OXGR1: variants seen among roughly 807,000 people sequenced by gnomAD.
OXGR1 encodes the protein oxoglutarate receptor 1.
A neutral mutation model predicts 10.0 loss-of-function variants in OXGR1; 10 were observed. The observed-to-expected ratio is 1.00, with a 90% CI of 0.62 to 1.70. OXGR1 has a LOEUF of 1.70. Among genes scored for constraint, OXGR1 ranks in the 40% most tolerant of loss-of-function variants. OXGR1 has a pLI of 0.00. For synonymous variants in OXGR1, 191 were observed against 155.9 expected, an observed-to-expected ratio of 1.22 and a Z score of -1.68; for missense variants, 398 against 407.6, an observed-to-expected ratio of 0.98 and a Z score of 0.20.
At chr13:96,992,855 T>C (rs1882126173) in intron 1 of OXGR1, among the ~76,000 whole-genome samples, 1 of 152,162 alleles carries the variant, frequency 6.6e-6, no homozygotes, top group Admixed American at 6.5e-5. Context: ...CAGTTGGTTC[T>C]TTCCTCCTTT....
intron 2 of OXGR1, among the ~76,000 whole-genome samples, chr13:96,991,205 G>T (rs550246726): frequency 2.1e-4 from 32 of 152,252 alleles, no homozygotes; most frequent in African/African-American, 7.5e-4. Context: ...CTTAATCTGT[G>T]TTCCATAAAA....
intron 1 of OXGR1, among the ~76,000 whole-genome samples, chr13:96,993,990 A>C (rs2138910894): frequency 6.6e-6 from 1 of 152,180 alleles, no homozygotes; most frequent in Admixed American, 6.5e-5. Flanking sequence ...GGTGTGAAAA[A>C]AAGTGTGAGA....
Position 96,987,336 on chromosome 13 carries a change from A to G in OXGR1, c.424T>C (p.Phe142Leu). ...GCACATCGAGTTTTGTGAATGGAAAAGCAGCTCATTGGGTGAATGATCACA... is the reference window on the plus strand; with the variant it reads ...GCACATCGAGTTTTGTGAATGGAAAGGCAGCTCATTGGGTGAATGATCACA... The part of the protein sequence containing the change: ...YCVIIHPMSC[F>L]SIHKTRCAVV... Residue 142 changes from phenylalanine to leucine, a missense_variant, in exon 4 of 4, where the codon TTT becomes CTT. Physicochemically the swap from Phe to Leu is conservative, Grantham distance 22. Coordinates refer to ENST00000541038, the MANE Select transcript of OXGR1 (RefSeq NM_001346194.2). The G allele has an allele frequency of 6.2e-7, 1 of 1,614,268 alleles. No homozygotes were observed. The highest frequency in any genetic ancestry group is 8.5e-7 in the Non-Finnish European group (1 of 1,180,048).
upstream of OXGR1, chr13:96,994,725 C>G (rs982795657): frequency 4.6e-5 from 7 of 151,520 alleles, no homozygotes; most frequent in Admixed American, 1.3e-4. Flanking sequence ...GAAGGAGTCT[C>G]GCTCTGTCGC....
At chr13:96,992,883 A>G (rs1882127620) in intron 1 of OXGR1, among the ~76,000 whole-genome samples, 1 of 152,140 alleles carries the variant, frequency 6.6e-6, no homozygotes, top group Admixed American at 6.5e-5. Context: ...ATGCCAATGG[A>G]CGAGGGAGGT....
At position 96,986,283 on chromosome 13, in the gene OXGR1, A is replaced by T. The variant is rs1053076139; in HGVS notation, c.*463T>A. ...GAGCTCTGAGATGTAAAAAATAAAT[A>T]TTAAGAAAGATACAAGTAGTGGTTT... On this transcript the variant is annotated 3_prime_UTR_variant, in exon 4 of 4. Transcript: ENST00000541038. The T allele has an allele frequency of 6.5e-6, 1 of 154,892 alleles. No individual in the cohort carries two copies. The highest frequency in any genetic ancestry group is 1.4e-5 in the Non-Finnish European group (1 of 70,022). The allele number at this position is 154,892 out of a possible 1,614,324, so 9.6% of individuals were successfully genotyped here.
Position 96,986,963 on chromosome 13 carries a change from T to A in OXGR1, c.797A>T (p.Glu266Val). ...ACAACTGATTGAAAGCAGGCGAGAT[T>A]CGATCCGAATGACCCTCAAGATATG... Reference protein sequence around the residue: ...PFHILRVIRIESRLLSISCSI... With the variant: ...PFHILRVIRIVSRLLSISCSI... Residue 266 changes from glutamate to valine, a missense_variant, in exon 4 of 4, where the codon GAA becomes GTA. By Grantham distance (121) the Glu-to-Val change is moderately radical. Coordinates refer to ENST00000541038, the MANE Select transcript of OXGR1 (RefSeq NM_001346194.2). 6.2e-7 allele frequency: 1 copy of A among 1,614,194 alleles called. No individual in the cohort carries two copies. The highest frequency in any genetic ancestry group is 2.2e-5 in the East Asian group (1 of 44,884).
chr13:96,993,827 CAG>C (rs1882181637), intron 1 of OXGR1, among the ~76,000 whole-genome samples: 1 of 151,804 alleles, frequency 6.6e-6, no homozygotes, highest in Non-Finnish European at 1.5e-5. Flanking sequence ...GGGGGTGGGG[CAG>C]AGTCTTTGGT....
Position 96,986,999 on chromosome 13 carries a change from A to T in OXGR1, c.761T>A (p.Phe254Tyr). The change falls in exon 4 of 4, where the codon TTT becomes TAT. Residue 254 changes from phenylalanine to tyrosine, a missense_variant. Physicochemically the swap from Phe to Tyr is conservative, Grantham distance 22. Coordinates refer to ENST00000541038, the MANE Select transcript of OXGR1 (RefSeq NM_001346194.2). ...GACCCTCAAGATATGGAAGGGTAAA[A>T]AACATACGTAAAATGCAAGGAGTAG... ...ILLLLAFYVCFLPFHILRVIR... is the reference protein window; with the variant it reads ...ILLLLAFYVCYLPFHILRVIR... 2 of 1,614,232 alleles carry T rather than the reference A, an allele frequency of 1.2e-6. No homozygotes were observed. The highest frequency in any genetic ancestry group is 1.6e-4 in the Middle Eastern group (1 of 6,062).
chr13:96,988,139 C>T (rs1314805171), intron 3 of OXGR1, among the ~76,000 whole-genome samples: 1 of 152,176 alleles, frequency 6.6e-6, no homozygotes, highest in Non-Finnish European at 1.5e-5. Flanking sequence ...TAGGGTATCG[C>T]CATTAGAGAC....
At chr13:96,993,445 C>A (rs1882161010) in intron 1 of OXGR1, among the ~76,000 whole-genome samples, 1 of 152,116 alleles carries the variant, frequency 6.6e-6, no homozygotes, top group South Asian at 2.1e-4. Flanking sequence ...TGGTCTCGAA[C>A]TACTGACCTC....
rs538072405 is a variant in OXGR1 at position 96,989,761 on chromosome 13, T to C, written c.-78A>G. 6.6e-5 allele frequency: 10 copies of C among 152,304 alleles called. No individual in the cohort carries two copies. Among genetic ancestry groups the C allele is most frequent in the African/African-American group, 2.4e-4 (10 of 41,572 alleles). 9.4% of individuals were successfully genotyped at this position (152,304 alleles called of 1,614,324 possible). ...CAAAGACCAGTTAGCACATTACCTC[T>C]CAGTGCTGTCTCTTCATGTGTATTT... is the stretch of plus-strand genomic sequence containing the variant. On this transcript the variant is annotated 5_prime_UTR_variant, in exon 3 of 4. An upstream open reading frame in the 5' UTR loses its in-frame stop. Coordinates refer to ENST00000541038, the MANE Select transcript of OXGR1 (RefSeq NM_001346194.2).
intron 3 of OXGR1, among the ~76,000 whole-genome samples, chr13:96,988,645 G>T (rs1881906550): frequency 6.6e-6 from 1 of 152,156 alleles, no homozygotes; most frequent in Non-Finnish European, 1.5e-5. Flanking sequence ...CCATTAGGAG[G>T]CTGAGCCCTG....
rs961278535 is a variant in OXGR1, at chr13:96,992,406, T to C, written c.-127+16A>G. On this transcript the variant is annotated intron_variant, in intron 2 of 3. Coordinates refer to ENST00000541038, the MANE Select transcript of OXGR1 (RefSeq NM_001346194.2). Reference sequence around the variant, plus strand: ...CAAAAATTAAGAAATAAAAAAATTGTTAAGAAAAAGCTTACAATTTTAGCC... The same window carrying C: ...CAAAAATTAAGAAATAAAAAAATTGCTAAGAAAAAGCTTACAATTTTAGCC... The C allele has an allele frequency of 6.6e-6, 1 of 152,200 alleles. No individual in the cohort carries two copies. The highest frequency in any genetic ancestry group is 2.4e-5 in the African/African-American group (1 of 41,458). The allele number at this position is 152,200 out of a possible 1,614,324, so 9.4% of individuals were successfully genotyped here.
In OXGR1 at chr13:96,987,193, C is replaced by T. The variant is rs538548290; in HGVS notation, c.567G>A (p.Ser189=). Residue 189 remains serine (S), a synonymous_variant, in exon 4 of 4, where the codon TCG becomes TCA. Transcript: ENST00000541038. The part of the protein sequence containing the change: ...NRSACLDLTS[S]DELNTIKWYN... Reference sequence around the variant, plus strand: ...ACCACTTAATAGTATTGAGTTCATCCGAACTGGTGAGGTCGAGACAGGCTG... The same window carrying T: ...ACCACTTAATAGTATTGAGTTCATCTGAACTGGTGAGGTCGAGACAGGCTG... 1.9e-5 allele frequency: 31 copies of T among 1,614,068 alleles called. 1 individual carries two copies. The highest frequency in any genetic ancestry group is 1.0e-4 in the Admixed American group (6 of 60,016).
chr13:96,994,183 G>A (rs1452437185), intron 1 of OXGR1, 115 bp downstream of exon 1: 1 of 152,374 alleles, frequency 6.6e-6, no homozygotes, highest in Non-Finnish European at 1.5e-5. Context: ...ACGTGCGGGG[G>A]TGCTCTTTCC....
rs1472834802 is a variant in OXGR1 at position 96,987,347 on chromosome 13, G to T, written c.413C>A (p.Pro138Gln). The T allele has an allele frequency of 6.2e-7, 1 of 1,614,170 alleles. No individual in the cohort carries two copies. The highest frequency in any genetic ancestry group is 8.5e-7 in the Non-Finnish European group (1 of 1,180,028). Residue 138 changes from proline to glutamine, a missense_variant, in exon 4 of 4, where the codon CCA (proline) becomes CAA (glutamine). Transcript: ENST00000541038. ...TTTGTGAATGGAAAAGCAGCTCATT[G>T]GGTGAATGATCACACAGTAGCGGAA... ...SIFRYCVIIH[P>Q]MSCFSIHKTR...
intron 1 of OXGR1, among the ~76,000 whole-genome samples, chr13:96,993,576 G>C (rs7323624): frequency 0.085 from 12,864 of 152,138 alleles, 1,811 homozygotes; most frequent in African/African-American, 0.29. Context: ...AGACTATTAA[G>C]AGGTCATGTT....
At chr13:96,993,952 C>A (rs1882188131) in intron 1 of OXGR1, among the ~76,000 whole-genome samples, 1 of 152,052 alleles carries the variant, frequency 6.6e-6, no homozygotes, top group African/African-American at 2.4e-5. Context: ...AAGCACTCTC[C>A]CTGCCCACCT....
Sources: allele counts gnomAD v4.1 joint callset (sites outside exome capture counted in the v4.1 genomes callset), GRCh38; gene constraint gnomAD v4.1.1; transcripts MANE v1.5; gene names NCBI Gene and HGNC (gene_info 2026-07-23, HGNC 2026-07-21).